Variants in RGL2 observed in about 807,000 individuals in gnomAD.
RGL2 encodes ral guanine nucleotide dissociation stimulator-like 2.
Under a neutral mutation model 84.6 loss-of-function variants are expected in RGL2, and 40 were observed. The ratio of observed to expected loss-of-function variants is 0.47; its 90% confidence interval spans 0.37 to 0.62. The LOEUF (loss-of-function observed/expected upper bound fraction) is 0.62. RGL2 is among the 20% of genes least tolerant of loss of function. The probability of loss-of-function intolerance (pLI) is 0.00; values close to 1 mark genes in which losing one functional copy is unlikely to be tolerated. For synonymous variants in RGL2, 369 were observed against 417.3 expected (o/e 0.88, Z 1.41); for missense variants, 865 against 1,019.7 (o/e 0.85, Z 2.07).
At chr6:33,300,554 G>C (rs997527597), upstream of RGL2, 1 of 151,988 alleles carries the variant, frequency 6.6e-6, no homozygotes, top group Non-Finnish European at 1.5e-5. Context: ...CCAGCTACTC[G>C]GGAAGCTGAG....
In RGL2 at chr6:33,296,109, G is replaced by C. The variant is rs149108540; in HGVS notation, c.687C>G (p.Pro229=). The C allele has an allele frequency of 1.2e-6, 2 of 1,613,828 alleles. No individual in the cohort carries two copies. Among genetic ancestry groups the C allele is most frequent in the Non-Finnish European group, 8.5e-7 (1 of 1,179,990 alleles). The change falls in exon 6 of 18, where the codon CCC becomes CCG. Residue 229 remains proline (P), a synonymous_variant. Coordinates refer to ENST00000497454, the MANE Select transcript of RGL2 (RefSeq NM_004761.5). The surrounding 1 kb of genome is among the most constrained non-coding windows in gnomAD (Gnocchi z 5.0). ...CCGTGGGGTCAGCAGGGGGATCGCC[G>C]GGGAGGGCCAGGGGCTTAGGAAGGT... The part of the protein sequence containing the change: ...APDLPKPLAL[P]GDPPADPTDV...
upstream of RGL2, chr6:33,299,895 A>G (rs1059288): frequency 0.59 from 90,453 of 152,612 alleles, 27,529 homozygotes; most frequent in African/African-American, 0.74. The surrounding 1 kb of genome is among the most constrained non-coding windows in gnomAD (Gnocchi z 5.0). Flanking sequence ...CAGACAGGCC[A>G]GTCCCTGTCC....
chr6:33,292,061 T>C lies in RGL2; in HGVS notation c.*41A>G. On this transcript the variant is annotated 3_prime_UTR_variant, in exon 18 of 18. Coordinates refer to ENST00000497454, the MANE Select transcript of RGL2 (RefSeq NM_004761.5). ...ATTCAGGATGGCTACCCACATCTGG[T>C]ATGAACACCATGACTTCTGTAAGCC... is the stretch of plus-strand genomic sequence containing the variant. 6.2e-7 allele frequency: 1 copy of C among 1,603,366 alleles called. No individual in the cohort carries two copies.
rs371105063 is a variant in RGL2 at position 33,292,918 on chromosome 6, CT to C, written c.2007+97del. 821 of 1,430,968 alleles carry C rather than the reference CT, an allele frequency of 5.7e-4. 4 individuals are homozygous for C. In the Admixed American group the frequency reaches 6.1e-3, roughly 11 times the overall value. The allele number at this position is 1,430,968 out of a possible 1,614,324, so 88.6% of individuals were successfully genotyped here. A position where few individuals can be genotyped will look rare whatever the true frequency, so the allele number is the denominator to read the frequency against. ...CCAAAACCAAAGGTCAAAATTAAAA[CT>C]ACATTCAATTCCATTTGGCTGCCCA... On this transcript the variant is annotated intron_variant, in intron 16 of 17. Coordinates refer to ENST00000497454, the MANE Select transcript of RGL2 (RefSeq NM_004761.5).
chr6:33,292,253 A>C lies in RGL2; in HGVS notation c.2183T>G (p.Phe728Cys). ...GGACCTTCGCCGCTGCCGCAGGAGG[A>C]AATCGTGTGAAGCTCCATCCATGGC... ...FYAMDGASHD[F>C]LLRQRRRSST... Residue 728 changes from phenylalanine (F) to cysteine (C), a missense_variant, in exon 18 of 18, where the codon TTC becomes TGC. Phe to Cys is a radical substitution (Grantham distance 205). Transcript: ENST00000497454. 1 of 1,614,174 alleles carries C rather than the reference A, an allele frequency of 6.2e-7. No individual in the cohort carries two copies.
Position 33,294,676 on chromosome 6 carries a change from C to T in RGL2, c.1353+12G>A. Reference sequence around the variant, plus strand: ...TTACATCATTGCAATGACACACACACACACCACTGACCTCCAACTCATCCT... The same window carrying T: ...TTACATCATTGCAATGACACACACATACACCACTGACCTCCAACTCATCCT... On this transcript the variant is annotated intron_variant, in intron 11 of 17. Transcript: ENST00000497454. The surrounding 1 kb of genome is among the most constrained non-coding windows in gnomAD (Gnocchi z 5.0). 6.2e-7 allele frequency: 1 copy of T among 1,613,764 alleles called. No individual in the cohort carries two copies. Among genetic ancestry groups the T allele is most frequent in the Admixed American group, 1.7e-5 (1 of 60,008 alleles).
chr6:33,292,738 T>C (rs549626719), intron 16 of RGL2, among the ~76,000 whole-genome samples, 194 bp from the exon 17 acceptor site: 1 of 152,296 alleles, frequency 6.6e-6, no homozygotes, highest in African/African-American at 2.4e-5. Context: ...GCTGCTTCCC[T>C]GTGGGGAAAC....
chr6:33,292,834 T>C (rs1767543256), intron 16 of RGL2, among the ~76,000 whole-genome samples, 182 bp downstream of exon 16: 1 of 152,158 alleles, frequency 6.6e-6, no homozygotes, highest in Non-Finnish European at 1.5e-5. Context: ...ATAAAACAAA[T>C]TTCAGCTTCT....
chr6:33,293,779 C>T lies in RGL2; in HGVS notation c.1508+16G>A. On this transcript the variant is annotated intron_variant, in intron 13 of 17. Coordinates refer to ENST00000497454, the MANE Select transcript of RGL2 (RefSeq NM_004761.5). The surrounding 1 kb of genome is among the most constrained non-coding windows in gnomAD (Gnocchi z 7.0). ...CTGGCCAGAACCCTGGAGTCCCAAC[C>T]TCACCCGCCAGTCACCTCTGAGCCT... 6.2e-7 allele frequency: 1 copy of T among 1,613,874 alleles called. No individual in the cohort carries two copies. Among genetic ancestry groups the T allele is most frequent in the Non-Finnish European group, 8.5e-7 (1 of 1,179,812 alleles).
In RGL2 at chr6:33,298,000, G is replaced by C. The variant is rs989875595; in HGVS notation, c.156+455C>G. 1.3e-5 allele frequency: 2 copies of C among 153,976 alleles called. No homozygotes were observed. The highest frequency in any genetic ancestry group is 1.9e-4 in the East Asian group (1 of 5,210). 9.5% of individuals were successfully genotyped at this position (153,976 alleles called of 1,614,324 possible). On this transcript the variant is annotated intron_variant, in intron 2 of 17. Transcript: ENST00000497454. This position sits in a 1 kb window ranked among gnomAD's most constrained non-coding sequence, Gnocchi z 4.0. ...TCTACCCAGGACCGGGGCGGGGCGG[G>C]GGGGCGGGGGGAAGGGGGAGAGAGG... is the stretch of plus-strand genomic sequence containing the variant.
chr6:33,298,293 C>T lies in RGL2; in HGVS notation c.156+162G>A, dbSNP rs1249508104. On this transcript the variant is annotated intron_variant, in intron 2 of 17. Coordinates refer to ENST00000497454, the MANE Select transcript of RGL2 (RefSeq NM_004761.5). This position sits in a 1 kb window ranked among gnomAD's most constrained non-coding sequence, Gnocchi z 4.8. ...CCTGAGTCACACTGACAGAGAACCA[C>T]GGAGACGCCAGGACTCCCCGCAGCA... The T allele has an allele frequency of 1.8e-6, 1 of 557,602 alleles. No homozygotes were observed. The highest frequency in any genetic ancestry group is 3.2e-6 in the Non-Finnish European group (1 of 308,936). 34.5% of individuals were successfully genotyped at this position (557,602 alleles called of 1,614,324 possible).
rs916538383 is a variant in RGL2, at chr6:33,298,827, G to A, written c.-42+43C>T. The A allele has an allele frequency of 1.0e-4, 43 of 430,230 alleles. No individual in the cohort carries two copies. Among genetic ancestry groups the A allele is most frequent in the Non-Finnish European group, 1.7e-4 (41 of 243,026 alleles). 26.7% of individuals were successfully genotyped at this position (430,230 alleles called of 1,614,324 possible). The stretch of plus-strand genomic sequence containing the variant: ...GCCCTTGGTGCTGTTGGGGAAGGAG[G>A]AGGTCACGAGTACGGGGACGCGCAG... On this transcript the variant is annotated intron_variant, in intron 1 of 17. Coordinates refer to ENST00000497454, the MANE Select transcript of RGL2 (RefSeq NM_004761.5). This position sits in a 1 kb window ranked among gnomAD's most constrained non-coding sequence, Gnocchi z 4.8.
chr6:33,293,315 AAAC>A lies in RGL2; in HGVS notation c.1717-12_1717-10del. ...GATGGCCACTTCATGTGCTAGGAAC[AAAC>A]AACATGGGACTGGCATGAAGGCAGG... On this transcript the variant is annotated splice_polypyrimidine_tract_variant and intron_variant, in intron 15 of 17. Transcript: ENST00000497454. This position sits in a 1 kb window ranked among gnomAD's most constrained non-coding sequence, Gnocchi z 7.0. 1.3e-6 allele frequency: 2 copies of A among 1,556,880 alleles called. No homozygotes were observed. The highest frequency in any genetic ancestry group is 1.7e-6 in the Non-Finnish European group (2 of 1,153,668).
At position 33,295,730 on chromosome 6, in the gene RGL2, C is replaced by G; in HGVS notation, c.798G>C (p.Gln266His). ...AELFLNLIPS[Q>H]CLGGLWGHRD... Reference sequence around the variant, plus strand: ...TGTGACCCCACAGGCCTCCCAGGCACTGAGAGGGGATCAAATTGAGAAAAA... The same window carrying G: ...TGTGACCCCACAGGCCTCCCAGGCAGTGAGAGGGGATCAAATTGAGAAAAA... The change falls in exon 7 of 18, where the codon CAG becomes CAC. Residue 266 changes from glutamine (Q) to histidine (H), a missense_variant. By Grantham distance (24) the Gln-to-His change is conservative (BLOSUM62 0). Coordinates refer to ENST00000497454, the MANE Select transcript of RGL2 (RefSeq NM_004761.5). This position sits in a 1 kb window ranked among gnomAD's most constrained non-coding sequence, Gnocchi z 7.2. 1 of 1,613,732 alleles carries G rather than the reference C, an allele frequency of 6.2e-7. No individual in the cohort carries two copies. The highest frequency in any genetic ancestry group is 8.5e-7 in the Non-Finnish European group (1 of 1,180,000).
chr6:33,295,560 A>AGTGGC lies in RGL2; in HGVS notation c.963_967dup (p.Leu323ArgfsTer85). 6.2e-7 allele frequency: 1 copy of AGTGGC among 1,613,896 alleles called. No homozygotes were observed. The highest frequency in any genetic ancestry group is 8.5e-7 in the Non-Finnish European group (1 of 1,180,014). On this transcript the variant is annotated frameshift_variant, in exon 7 of 18. Coordinates refer to ENST00000497454, the MANE Select transcript of RGL2 (RefSeq NM_004761.5). LOFTEE classifies it high-confidence loss of function. This position sits in a 1 kb window ranked among gnomAD's most constrained non-coding sequence, Gnocchi z 7.2. ...GAGCCGGGCCCTCTGTGGGGGACGG[A>AGTGGC]GTGGCCGTATGGTCACCTCCCCAGG...
upstream of RGL2, chr6:33,301,593 A>G (rs2150955537): frequency 1.5e-6 from 1 of 645,194 alleles, no homozygotes; most frequent in African/African-American, 1.8e-5. Context: ...AAAAAAAGAA[A>G]AATTATCCCT....
chr6:33,294,923 C>T lies in RGL2; in HGVS notation c.1278+54G>A. 1 of 1,537,250 alleles carries T rather than the reference C, an allele frequency of 6.5e-7. No individual in the cohort carries two copies. Among genetic ancestry groups the T allele is most frequent in the East Asian group, 2.4e-5 (1 of 40,892 alleles). On this transcript the variant is annotated intron_variant, in intron 10 of 17. Transcript: ENST00000497454. This position sits in a 1 kb window ranked among gnomAD's most constrained non-coding sequence, Gnocchi z 5.0. ...TCAGGCTGCTCCCCCAAAACATACT[C>T]CTCACCCCTTCATAATCACCACCCC...
rs759651756 is a variant in RGL2, at chr6:33,293,817, G to C, written c.1486C>G (p.Arg496Gly). 10 of 1,614,126 alleles carry C rather than the reference G, an allele frequency of 6.2e-6. No homozygotes were observed. The highest frequency in any genetic ancestry group is 8.5e-6 in the Non-Finnish European group (10 of 1,180,036). ...CACCTCTGAGCCTCTGTCAGTGGCC[G>C]GAGCCCCTGTAGCCACCTCTGGATA... Reference protein sequence around the residue: ...HDIQRWLQGLRPLTEAQSHRV... With the variant: ...HDIQRWLQGLGPLTEAQSHRV... The change falls in exon 13 of 18, where the codon CGG becomes GGG. Residue 496 changes from arginine to glycine, a missense_variant. By Grantham distance (125) the Arg-to-Gly change is moderately radical (BLOSUM62 -2). Coordinates refer to ENST00000497454, the MANE Select transcript of RGL2 (RefSeq NM_004761.5). This position sits in a 1 kb window ranked among gnomAD's most constrained non-coding sequence, Gnocchi z 7.0.
At position 33,292,210 on chromosome 6, in the gene RGL2, G is replaced by T; in HGVS notation, c.2226C>A (p.Gly742=). ...QRRRSSTATP[G]VTSGPSASGT... ...CTGAGGCAGACGGGCCACTGGTGAC[G>T]CCAGGTGTAGCAGTAGAGGACCTTC... is the stretch of plus-strand genomic sequence containing the variant. Residue 742 remains glycine (G), a synonymous_variant, in exon 18 of 18, where the codon GGC becomes GGA. Coordinates refer to ENST00000497454, the MANE Select transcript of RGL2 (RefSeq NM_004761.5). 2 of 1,614,190 alleles carry T rather than the reference G, an allele frequency of 1.2e-6. No homozygotes were observed. The highest frequency in any genetic ancestry group is 1.7e-6 in the Non-Finnish European group (2 of 1,180,032).
Sources: gnomAD v4.1 joint callset for allele counts (sites outside exome capture counted in the v4.1 genomes callset) on GRCh38, gnomAD v4.1.1 for gene constraint, Gnocchi (gnomAD v3.1) non-coding constraint, MANE v1.5 for transcripts, NCBI Gene and HGNC (gene_info 2026-07-23, HGNC 2026-07-21) for gene names.